Variants in ILDR1 observed in about 807,000 individuals in gnomAD.
ILDR1 encodes the protein immunoglobulin-like domain-containing receptor 1.
ILDR1 carries 56 observed loss-of-function variants against 62.4 expected under a neutral mutation model. That is an observed-to-expected ratio of 0.90 (90% confidence interval 0.72 to 1.12). The LOEUF is 1.12. Ranked by LOEUF, ILDR1 falls within the 50% of genes most tolerant of loss-of-function variation. ILDR1 has a pLI of 0.00. For missense variants in ILDR1, 736 were observed against 710.6 expected (o/e 1.04, Z -0.41); for synonymous variants, 284 against 277.8 (o/e 1.02, Z -0.22).
intron 5 of ILDR1, among the ~76,000 whole-genome samples, chr3:121,999,017 G>A (rs1213943771): frequency 1.3e-5 from 2 of 152,166 alleles, no homozygotes; most frequent in African/African-American, 2.4e-5. Flanking sequence ...GTGGTTGTGA[G>A]GATTCAGTGA....
chr3:122,000,079 G>A (rs901480067), intron 5 of ILDR1, among the ~76,000 whole-genome samples: 2 of 151,592 alleles, frequency 1.3e-5, no homozygotes, highest in African/African-American at 4.9e-5. Flanking sequence ...ATGCATCTGT[G>A]ACTTATGTTT....
In ILDR1 at chr3:122,007,162, C is replaced by T. The variant is rs2071627321; in HGVS notation, c.59-1G>A. The T allele has an allele frequency of 6.2e-7, 1 of 1,613,956 alleles. No homozygotes were observed. The highest frequency in any genetic ancestry group is 8.5e-7 in the Non-Finnish European group (1 of 1,180,008). ...ACCGTCACAAGCAAGGACAGGCACC[C>T]TAAAGCCAAGAGCAGGAGAAAATGC... On this transcript the variant is annotated splice_acceptor_variant, in intron 1 of 7. Transcript: ENST00000344209. LOFTEE classifies it high-confidence loss of function.
At chr3:122,048,789 A>G in the ILDR1 span, among the ~76,000 whole-genome samples, 2 of 151,712 alleles carry the variant, frequency 1.3e-5, no homozygotes, top group African/African-American at 2.4e-5. Context: ...TTCATTTTTC[A>G]TCTTATCTGA....
At chr3:121,990,619 G>T (rs533895924) in intron 7 of ILDR1, among the ~76,000 whole-genome samples, 2 of 152,216 alleles carry the variant, frequency 1.3e-5, no homozygotes, top group South Asian at 2.1e-4. Context: ...TCTGAGTCAA[G>T]GTCGCATTCT....
chr3:122,032,481 T>C, the ILDR1 span, among the ~76,000 whole-genome samples: 1 of 152,228 alleles, frequency 6.6e-6, no homozygotes, highest in Non-Finnish European at 1.5e-5. Flanking sequence ...TTTTTGCTTC[T>C]ATAGTTCAGG....
the ILDR1 span, among the ~76,000 whole-genome samples, chr3:122,054,077 ATCT>A: frequency 1.8e-4 from 28 of 152,218 alleles, 1 homozygote; most frequent in Non-Finnish European, 4.1e-4. Flanking sequence ...TCATTGTTCT[ATCT>A]TCTTATTTGA....
At chr3:122,005,041 C>T (rs1441573021) in intron 3 of ILDR1, among the ~76,000 whole-genome samples, 1 of 152,208 alleles carries the variant, frequency 6.6e-6, no homozygotes, top group East Asian at 1.9e-4. Flanking sequence ...AACCTCTGGT[C>T]CAGAGACCAA....
At chr3:122,041,140 G>A in the ILDR1 span, among the ~76,000 whole-genome samples, 1 of 152,188 alleles carries the variant, frequency 6.6e-6, no homozygotes, top group Non-Finnish European at 1.5e-5. Flanking sequence ...ATATGCAGAT[G>A]GCAAATGCTG....
the ILDR1 span, among the ~76,000 whole-genome samples, chr3:122,033,030 A>G: frequency 2.0e-5 from 3 of 152,260 alleles, no homozygotes; most frequent in South Asian, 4.1e-4. Flanking sequence ...GTTATGTGGC[A>G]ATAGATAACC....
intron 5 of ILDR1, among the ~76,000 whole-genome samples, chr3:121,995,943 G>A (rs2071430233): frequency 6.6e-6 from 1 of 152,144 alleles, no homozygotes; most frequent in African/African-American, 2.4e-5. Flanking sequence ...CACTCTTTGT[G>A]TGCCGCACCG....
chr3:122,022,273 C>G, upstream of ILDR1: 1 of 478,718 alleles, frequency 2.1e-6, no homozygotes, highest in Non-Finnish European at 3.6e-6. Flanking sequence ...GCGGCGCTCC[C>G]CACGGCTCCG....
At chr3:122,005,801 A>C (rs1319940882) in intron 2 of ILDR1, among the ~76,000 whole-genome samples, 1 of 152,124 alleles carries the variant, frequency 6.6e-6, no homozygotes, top group African/African-American at 2.4e-5. Context: ...CGGGAGGCTA[A>C]GGCAGGAGAG....
At chr3:122,048,249 T>C in the ILDR1 span, among the ~76,000 whole-genome samples, 1 of 152,266 alleles carries the variant, frequency 6.6e-6, no homozygotes, top group Non-Finnish European at 1.5e-5. Context: ...CTAATTTTCA[T>C]ATGTTGAATC....
chr3:122,008,888 C>T (rs982423551), intron 1 of ILDR1, among the ~76,000 whole-genome samples: 2 of 151,868 alleles, frequency 1.3e-5, no homozygotes, highest in African/African-American at 4.8e-5. Flanking sequence ...CCACTGCGCC[C>T]GGCCTGAGCC....
At chr3:122,048,586 A>G in the ILDR1 span, among the ~76,000 whole-genome samples, 1 of 152,208 alleles carries the variant, frequency 6.6e-6, no homozygotes, top group Admixed American at 6.5e-5. Flanking sequence ...CTTTTGATTG[A>G]TGATTCAATC....
Position 121,994,145 on chromosome 3 carries a change from C to T in ILDR1, c.778+37G>A, listed in dbSNP as rs80084895. The T allele has an allele frequency of 3.9e-3, 6,000 of 1,533,258 alleles. 223 individuals are homozygous for T. The African/African-American group carries it at 0.073, about 19-fold the overall frequency. The allele number at this position is 1,533,258 out of a possible 1,614,324, so 95.0% of individuals were successfully genotyped here. On this transcript the variant is annotated intron_variant, in intron 6 of 7. Coordinates refer to ENST00000344209, the MANE Select transcript of ILDR1 (RefSeq NM_001199799.2). ...TAGCCCATGTTCCCGCCCTTGCCCT[C>T]TGCCCTCCCCTATCCCAAATCTCTG...
chr3:122,015,920 C>T (rs934517829), intron 1 of ILDR1, among the ~76,000 whole-genome samples: 13 of 152,102 alleles, frequency 8.5e-5, no homozygotes, highest in African/African-American at 3.1e-4. Context: ...GCTCTGGTTC[C>T]CCCTGCTAGG....
rs756370636 is a variant in ILDR1, at chr3:121,993,675, G to T, written c.1074C>A (p.Pro358=). 10 of 1,614,224 alleles carry T rather than the reference G, an allele frequency of 6.2e-6. No individual in the cohort carries two copies. The Admixed American group carries it at 1.7e-4, about 27-fold the overall frequency. Residue 358 remains proline (P), a synonymous_variant, in exon 7 of 8, where the codon CCC becomes CCA. Transcript: ENST00000344209. ...CCTCCCTCAGATCCCAGGGCCTGGA[G>T]GGAATTGGGGTGAGCCACTGCTGGT... ...SLHQQWLTPI[P]SRPWDLREGR...
chr3:122,036,098 T>G, the ILDR1 span, among the ~76,000 whole-genome samples: 1 of 152,182 alleles, frequency 6.6e-6, no homozygotes, highest in Admixed American at 6.5e-5. Flanking sequence ...CTTACTATGC[T>G]TTAGCAAAGA....
Sources: gnomAD v4.1 joint callset for allele counts (sites outside exome capture counted in the v4.1 genomes callset) on GRCh38, gnomAD v4.1.1 for gene constraint, MANE v1.5 for transcripts, NCBI Gene and HGNC (gene_info 2026-07-23, HGNC 2026-07-21) for gene names.